ALMS1: variants seen among roughly 807,000 people sequenced by gnomAD.
The protein encoded by ALMS1 is ALMS1 centrosome and basal body associated protein, also known as centrosome-associated protein ALMS1.
ALMS1 carries 271 observed loss-of-function variants against 352.2 expected under a neutral mutation model. The observed-to-expected ratio is 0.77, with a 90% confidence interval of 0.70 to 0.85. ALMS1 has a LOEUF of 0.85. Ranked by LOEUF, ALMS1 falls within the 40% of genes least tolerant of loss-of-function variation. The pLI, the probability that ALMS1 is intolerant of heterozygous loss-of-function variation, is 0.00. For synonymous variants in ALMS1, 1,865 were observed against 1,761.2 expected (o/e 1.06, Z -1.48); for missense variants, 5,445 against 4,870.7 (o/e 1.12, Z -3.51).
intron 9 of ALMS1, among the ~76,000 whole-genome samples, chr2:73,484,980 A>AT (rs1672796176): frequency 6.6e-6 from 1 of 151,908 alleles, no homozygotes; most frequent in South Asian, 2.1e-4. Flanking sequence ...ATTCTTCTAA[A>AT]TTTTTTTCAA....
chr2:73,465,578 G>A (rs1368102954), intron 9 of ALMS1, among the ~76,000 whole-genome samples: 1 of 152,158 alleles, frequency 6.6e-6, no homozygotes, highest in African/African-American at 2.4e-5. Context: ...ATAGGCATGG[G>A]CAAAGACTTC....
intron 16 of ALMS1, among the ~76,000 whole-genome samples, chr2:73,593,501 C>T (rs1675475596): frequency 6.6e-6 from 1 of 152,070 alleles, no homozygotes; most frequent in South Asian, 2.1e-4. Context: ...AGAGTATAAC[C>T]TTTTTTCTCC....
chr2:73,426,408 G>T, intron 5 of ALMS1, 45 bp from the exon 6 acceptor site: 1 of 1,599,112 alleles, frequency 6.3e-7, no homozygotes, highest in Admixed American at 1.7e-5. Flanking sequence ...GCTGAGCCTA[G>T]TTTTACTATA....
Position 73,595,875 on chromosome 2 carries a change from C to G in ALMS1, c.11548-3526C>G, listed in dbSNP as rs79981278. On this transcript the variant is annotated intron_variant, in intron 16 of 22. Transcript: ENST00000613296. Reference sequence around the variant, plus strand: ...TATTGTGAGTTTAATTTGAATTTCCCTAATGACTGATGATGTTGAACATTT... The same window carrying G: ...TATTGTGAGTTTAATTTGAATTTCCGTAATGACTGATGATGTTGAACATTT... Among the ~76,000 whole-genome samples the G allele has an allele frequency of 2.3e-3, 351 of 152,288 alleles. 14 individuals are homozygous for G. In the South Asian group the frequency reaches 0.069, roughly 30 times the overall value.
chr2:73,606,819 CTG>C (rs1675827299), intron 21 of ALMS1, among the ~76,000 whole-genome samples: 1 of 152,142 alleles, frequency 6.6e-6, no homozygotes, highest in Admixed American at 6.6e-5. Context: ...TCTCTGGAGC[CTG>C]TGTTACTCAT....
chr2:73,499,014 C>G (rs1673167063), intron 10 of ALMS1, among the ~76,000 whole-genome samples: 1 of 152,132 alleles, frequency 6.6e-6, no homozygotes, highest in Non-Finnish European at 1.5e-5. Context: ...TTTTAAGGAA[C>G]CTCCAAACTA....
At chr2:73,507,954 C>G (rs889862878) in intron 10 of ALMS1, among the ~76,000 whole-genome samples, 3 of 152,058 alleles carry the variant, frequency 2.0e-5, no homozygotes, top group Non-Finnish European at 4.4e-5. Context: ...TTAAATGTGT[C>G]CCAGAGATTC....
chr2:73,447,519 C>T (rs1021075900), intron 7 of ALMS1, among the ~76,000 whole-genome samples: 5 of 152,066 alleles, frequency 3.3e-5, no homozygotes, highest in African/African-American at 9.7e-5. Flanking sequence ...AGGAGGAACC[C>T]GTGAAAATAA....
chr2:73,518,555 T>C (rs1226691873), intron 10 of ALMS1, among the ~76,000 whole-genome samples: 1 of 152,218 alleles, frequency 6.6e-6, no homozygotes, highest in African/African-American at 2.4e-5. Flanking sequence ...CTTTCTACAA[T>C]GGTTGAACTA....
intron 10 of ALMS1, among the ~76,000 whole-genome samples, chr2:73,519,005 T>C (rs998970257): frequency 2.0e-5 from 3 of 152,222 alleles, no homozygotes; most frequent in Admixed American, 1.3e-4. Flanking sequence ...TGTTTCTGTG[T>C]CTGGAATGGT....
At chr2:73,474,731 A>C (rs1305240624) in intron 9 of ALMS1, among the ~76,000 whole-genome samples, 1 of 152,166 alleles carries the variant, frequency 6.6e-6, no homozygotes, top group Non-Finnish European at 1.5e-5. Context: ...ATTGTGAAAT[A>C]GCATCTGGAA....
At chr2:73,517,044 C>G (rs1395299351) in intron 10 of ALMS1, among the ~76,000 whole-genome samples, 1 of 152,016 alleles carries the variant, frequency 6.6e-6, no homozygotes, top group African/African-American at 2.4e-5. Flanking sequence ...AGCCCCCAGC[C>G]TCCCATACCA....
Position 73,490,787 on chromosome 2 carries a change from G to T in ALMS1, c.8828G>T (p.Arg2943Ile), listed in dbSNP as rs760340416. ...CKAPYVDHQM[R>I]ENHSPLPQGQ... Reference sequence around the variant, plus strand: ...GCCCCATATGTAGATCATCAAATGAGAGAAAACCATTCTCCCCTTCCTCAA... The same window carrying T: ...GCCCCATATGTAGATCATCAAATGATAGAAAACCATTCTCCCCTTCCTCAA... The change falls in exon 10 of 23, where the codon AGA becomes ATA. Residue 2943 changes from arginine (R) to isoleucine (I), a missense_variant. Arg to Ile is a moderately conservative substitution (Grantham distance 97, BLOSUM62 -3). Coordinates refer to ENST00000613296, the MANE Select transcript of ALMS1 (RefSeq NM_001378454.1). The T allele has an allele frequency of 6.2e-7, 1 of 1,614,026 alleles. No individual in the cohort carries two copies. Among genetic ancestry groups the T allele is most frequent in the African/African-American group, 1.3e-5 (1 of 75,024 alleles).
intron 11 of ALMS1, among the ~76,000 whole-genome samples, chr2:73,522,179 A>T (rs1471524513): frequency 6.6e-6 from 1 of 152,194 alleles, no homozygotes; most frequent in East Asian, 1.9e-4. Flanking sequence ...TATTTGTCTC[A>T]GGTCCATCGC....
At chr2:73,442,463 C>T (rs565103688) in intron 7 of ALMS1, among the ~76,000 whole-genome samples, 26 of 152,232 alleles carry the variant, frequency 1.7e-4, no homozygotes, top group African/African-American at 5.8e-4. Flanking sequence ...CTCTCTGTTT[C>T]TCAAGTTTTA....
At chr2:73,407,947 A>AT (rs566687150) in intron 1 of ALMS1, among the ~76,000 whole-genome samples, 92 of 148,190 alleles carry the variant, frequency 6.2e-4, no homozygotes, top group South Asian at 1.9e-3. Flanking sequence ...TAAGAGGGTT[A>AT]TTTTTTTTTT....
intron 1 of ALMS1, among the ~76,000 whole-genome samples, chr2:73,389,384 G>A (rs928901480): frequency 1.3e-5 from 2 of 152,112 alleles, no homozygotes; most frequent in Non-Finnish European, 1.5e-5. Flanking sequence ...CTCCCATCCT[G>A]TAGGTTGTCT....
intron 9 of ALMS1, among the ~76,000 whole-genome samples, chr2:73,487,783 T>A (rs1672885298): frequency 6.6e-6 from 1 of 152,150 alleles, no homozygotes; most frequent in South Asian, 2.1e-4. Flanking sequence ...GGGTAGCTCC[T>A]TTCTGCAGGC....
chr2:73,580,851 T>A (rs1316717184), intron 16 of ALMS1, among the ~76,000 whole-genome samples: 2 of 152,230 alleles, frequency 1.3e-5, no homozygotes, highest in Admixed American at 1.3e-4. Flanking sequence ...GCTGGCTACT[T>A]GTTTGATAGA....
Sources: allele counts gnomAD v4.1 joint callset (sites outside exome capture counted in the v4.1 genomes callset), GRCh38; gene constraint gnomAD v4.1.1; transcripts MANE v1.5; gene names NCBI Gene and HGNC (gene_info 2026-07-23, HGNC 2026-07-21).